Variants in BIN3 observed in about 807,000 individuals in gnomAD.
BIN3 encodes bridging integrator 3.
Under a neutral mutation model 38.2 loss-of-function variants are expected in BIN3, and 41 were observed. The ratio of observed to expected loss-of-function variants is 1.07; its 90% CI spans 0.84 to 1.39. The LOEUF is 1.39. BIN3 is among the 40% of genes most tolerant of loss of function. The pLI is 0.00. For missense variants in BIN3, 361 were observed against 324.3 expected (o/e 1.11, Z -0.87); for synonymous variants, 145 against 122.6 (o/e 1.18, Z -1.21).
At chr8:22,636,202 T>C (rs776856917) in intron 4 of BIN3, among the ~76,000 whole-genome samples, 18 of 152,204 alleles carry the variant, frequency 1.2e-4, no homozygotes, top group Non-Finnish European at 2.2e-4. Flanking sequence ...TCCCTTTCCC[T>C]CTGGACAGCC....
chr8:22,655,312 T>C (rs1803021389), intron 1 of BIN3, among the ~76,000 whole-genome samples: 1 of 152,230 alleles, frequency 6.6e-6, no homozygotes, highest in African/African-American at 2.4e-5. Context: ...TTTTCTTTTG[T>C]TGTTCATGCT....
At chr8:22,657,170 T>C (rs992425832) in intron 1 of BIN3, among the ~76,000 whole-genome samples, 10 of 152,236 alleles carry the variant, frequency 6.6e-5, no homozygotes, top group East Asian at 5.8e-4. Flanking sequence ...TCTGTGCACA[T>C]AGTAAGCACC....
chr8:22,653,412 G>C lies in BIN3; in HGVS notation c.9-8609C>G, dbSNP rs184697097. On this transcript the variant is annotated intron_variant, in intron 1 of 8. Coordinates refer to ENST00000276416, the MANE Select transcript of BIN3 (RefSeq NM_018688.6). ...TTCAGAATGATTTCTACATATTTAA[G>C]CACTCACCTTATCATTTTTGTGTTC... Among the ~76,000 whole-genome samples the C allele has an allele frequency of 3.7e-3, 558 of 152,188 alleles. 4 individuals carry two copies. The highest frequency in any genetic ancestry group is 4.8e-3 in the Non-Finnish European group (324 of 67,994).
chr8:22,631,418 C>G (rs549530998), intron 4 of BIN3, among the ~76,000 whole-genome samples: 4 of 152,110 alleles, frequency 2.6e-5, no homozygotes, highest in African/African-American at 9.7e-5. Flanking sequence ...CCAGCAGGTC[C>G]CCATCTTAGG....
intron 7 of BIN3, 51 bp from the exon 8 acceptor site, chr8:22,624,100 T>C: frequency 1.3e-6 from 2 of 1,508,986 alleles, no homozygotes; most frequent in Non-Finnish European, 9.1e-7. Context: ...GGGTGCCGGA[T>C]ACGGGATGGG....
intron 4 of BIN3, among the ~76,000 whole-genome samples, 192 bp from the exon 5 acceptor site, chr8:22,630,770 C>T (rs1350311047): frequency 6.6e-6 from 1 of 152,196 alleles, no homozygotes; most frequent in African/African-American, 2.4e-5. Context: ...TCATTCCTGA[C>T]CCTAACACTG....
intron 6 of BIN3, among the ~76,000 whole-genome samples, chr8:22,627,072 G>A (rs564521566): frequency 2.0e-5 from 3 of 152,340 alleles, no homozygotes; most frequent in Admixed American, 1.3e-4. Context: ...CCAGTGGGAA[G>A]AGCATGTCTT....
intron 2 of BIN3, among the ~76,000 whole-genome samples, chr8:22,637,355 G>C (rs1802402912): frequency 6.6e-6 from 1 of 152,178 alleles, no homozygotes; most frequent in African/African-American, 2.4e-5. Flanking sequence ...TGGAATTGGG[G>C]GTCTGTCTCT....
chr8:22,637,630 C>A (rs1251476399), intron 2 of BIN3, among the ~76,000 whole-genome samples: 5 of 152,188 alleles, frequency 3.3e-5, no homozygotes, highest in Non-Finnish European at 7.3e-5. Flanking sequence ...GCACTTGTTG[C>A]GGAAGATGAA....
intron 1 of BIN3, among the ~76,000 whole-genome samples, chr8:22,659,243 A>G (rs1372323088): frequency 2.0e-5 from 3 of 152,226 alleles, no homozygotes; most frequent in Non-Finnish European, 4.4e-5. Flanking sequence ...GCTGGAAATC[A>G]GTCCTTTCCA....
intron 1 of BIN3, among the ~76,000 whole-genome samples, chr8:22,660,021 TG>T (rs1329143737): frequency 6.6e-6 from 1 of 152,130 alleles, no homozygotes; most frequent in Non-Finnish European, 1.5e-5. Context: ...TTTTTTGTTT[TG>T]GGGGCAAACA....
At chr8:22,656,336 T>C (rs1039200557) in intron 1 of BIN3, among the ~76,000 whole-genome samples, 13 of 151,852 alleles carry the variant, frequency 8.6e-5, no homozygotes, top group African/African-American at 2.9e-4. Context: ...GTTCATTCCA[T>C]GAAGTTTTAT....
Position 22,636,587 on chromosome 8 carries a change from C to T in BIN3, c.99-1G>A. On this transcript the variant is annotated splice_acceptor_variant, in intron 3 of 8. Coordinates refer to ENST00000276416, the MANE Select transcript of BIN3 (RefSeq NM_018688.6). LOFTEE classifies it high-confidence loss of function. The stretch of plus-strand genomic sequence containing the variant: ...CAGCCTCCGGGTCTGCTCTTCCAGC[C>T]TGCAAGGCAGGGGACGGGCTGCTTG... The T allele has an allele frequency of 6.4e-7, 1 of 1,552,028 alleles. No homozygotes were observed. Among genetic ancestry groups the T allele is most frequent in the Non-Finnish European group, 8.7e-7 (1 of 1,147,320 alleles).
chr8:22,650,441 G>A (rs1802854961), intron 1 of BIN3, among the ~76,000 whole-genome samples: 1 of 152,132 alleles, frequency 6.6e-6, no homozygotes, highest in Non-Finnish European at 1.5e-5. Context: ...CCTTTTGTGA[G>A]TTCTTCTTTT....
At chr8:22,624,422 TGG>T in intron 6 of BIN3, 59 bp from the exon 7 acceptor site, 1 of 1,584,370 alleles carries the variant, frequency 6.3e-7, no homozygotes, top group Non-Finnish European at 8.6e-7. Context: ...TGGCTGGAGA[TGG>T]GTCTGCTCTT....
intron 4 of BIN3, among the ~76,000 whole-genome samples, chr8:22,631,680 T>G (rs567735388): frequency 6.6e-6 from 1 of 152,334 alleles, no homozygotes; most frequent in Admixed American, 6.5e-5. Context: ...CATCAGGCTC[T>G]GTCCATCAGG....
At chr8:22,625,399 A>G in intron 6 of BIN3, 1 of 702,618 alleles carries the variant, frequency 1.4e-6, no homozygotes, top group East Asian at 2.7e-5. Context: ...CAGGACCAGA[A>G]GAGTTGGTTC....
intron 4 of BIN3, chr8:22,634,424 G>C (rs887212757): frequency 4.4e-6 from 2 of 453,850 alleles, no homozygotes; most frequent in Non-Finnish European, 8.9e-6. Flanking sequence ...CGGGCATGGT[G>C]GTGGTGACGG....
chr8:22,630,566 G>C lies in BIN3; in HGVS notation c.173C>G (p.Ser58Cys). Reference sequence around the variant, plus strand: ...TAAGTCCAAGGATATCTTCACGGCAGATTTTGACATGGCTGTGGGAAGCCA... The same window carrying C: ...TAAGTCCAAGGATATCTTCACGGCACATTTTGACATGGCTGTGGGAAGCCA... ...STDADLAMSK[S>C]AVKISLDLLS... The change falls in exon 5 of 9, where the codon TCT becomes TGT. Residue 58 changes from serine to cysteine, a missense_variant. Transcript: ENST00000276416. The C allele has an allele frequency of 6.2e-7, 1 of 1,613,942 alleles. No homozygotes were observed. The highest frequency in any genetic ancestry group is 8.5e-7 in the Non-Finnish European group (1 of 1,179,840).
Sources: allele counts gnomAD v4.1 joint callset (sites outside exome capture counted in the v4.1 genomes callset), GRCh38; gene constraint gnomAD v4.1.1; transcripts MANE v1.5; gene names NCBI Gene and HGNC (gene_info 2026-07-23, HGNC 2026-07-21).